Variants in KIAA0825 observed in about 807,000 individuals in gnomAD.
KIAA0825 encodes KIAA0825.
Under a neutral mutation model 147.6 loss-of-function variants are expected in KIAA0825, and 119 were observed. The observed-to-expected ratio is 0.81, with a 90% CI of 0.69 to 0.94. The LOEUF (loss-of-function observed/expected upper bound fraction) is 0.94, where lower values mean the gene tolerates loss of function less well. Among genes scored for constraint, KIAA0825 ranks in the 40% least tolerant of loss-of-function variants. The pLI is 0.00. For synonymous variants in KIAA0825, 470 were observed against 518.1 expected, an observed-to-expected ratio of 0.91 and a Z score of 1.26; for missense variants, 1,381 against 1,472.7, an observed-to-expected ratio of 0.94 and a Z score of 1.02.
At chr5:94,381,403 G>T (rs1301537976) in intron 20 of KIAA0825, among the ~76,000 whole-genome samples, 1 of 152,186 alleles carries the variant, frequency 6.6e-6, no homozygotes, top group Non-Finnish European at 1.5e-5. Flanking sequence ...GTTCCAAAAA[G>T]CAAAACTTGC....
chr5:94,281,615 A>T (rs1401772642), intron 20 of KIAA0825, among the ~76,000 whole-genome samples: 1 of 152,092 alleles, frequency 6.6e-6, no homozygotes, highest in East Asian at 1.9e-4. Context: ...GATAATTGTT[A>T]GGGCTGCCTC....
At chr5:94,264,082 C>T (rs1776627716) in intron 20 of KIAA0825, among the ~76,000 whole-genome samples, 1 of 152,140 alleles carries the variant, frequency 6.6e-6, no homozygotes, top group South Asian at 2.1e-4. Flanking sequence ...CCAGAATATG[C>T]CTCTCCCACA....
chr5:94,602,072 G>A (rs1786569857), intron 1 of KIAA0825, among the ~76,000 whole-genome samples: 1 of 152,116 alleles, frequency 6.6e-6, no homozygotes, highest in African/African-American at 2.4e-5. Context: ...TGAGAAGGCT[G>A]GGCGAGGTGG....
intron 1 of KIAA0825, among the ~76,000 whole-genome samples, chr5:94,609,160 A>C (rs543356095): frequency 6.2e-4 from 94 of 152,188 alleles, no homozygotes; most frequent in Non-Finnish European, 9.3e-4. Context: ...CATTTAAATA[A>C]CTCTCTTCTT....
chr5:94,264,928 G>A (rs1232755707), intron 20 of KIAA0825, among the ~76,000 whole-genome samples: 2 of 151,692 alleles, frequency 1.3e-5, no homozygotes, highest in East Asian at 3.9e-4. Context: ...GATTACAGGC[G>A]CGTACCACCA....
At chr5:94,240,965 C>G (rs146831758) in intron 20 of KIAA0825, among the ~76,000 whole-genome samples, 102 of 152,158 alleles carry the variant, frequency 6.7e-4, no homozygotes, top group African/African-American at 1.9e-3. Context: ...AAAAGGTTGC[C>G]TGGTAAATAA....
chr5:94,175,794 T>C (rs1769039269), intron 20 of KIAA0825, among the ~76,000 whole-genome samples: 1 of 152,158 alleles, frequency 6.6e-6, no homozygotes, highest in Non-Finnish European at 1.5e-5. Context: ...AAAATAACAG[T>C]TGACATTGAG....
intron 20 of KIAA0825, among the ~76,000 whole-genome samples, chr5:94,271,546 G>A (rs1032281694): frequency 2.6e-5 from 4 of 152,078 alleles, no homozygotes; most frequent in African/African-American, 7.2e-5. Context: ...TCAAGAGTTC[G>A]AGACCTGCCT....
intron 20 of KIAA0825, among the ~76,000 whole-genome samples, chr5:94,381,799 T>A (rs1180407352): frequency 1.2e-4 from 18 of 152,298 alleles, no homozygotes; most frequent in Admixed American, 1.2e-3. Context: ...AATCCTGCTT[T>A]CCAGTCTCCA....
chr5:94,488,772 C>G (rs748879356), intron 5 of KIAA0825, among the ~76,000 whole-genome samples: 5 of 152,122 alleles, frequency 3.3e-5, no homozygotes, highest in African/African-American at 7.2e-5. Context: ...AAGGGTTCTA[C>G]GACCAAATAA....
intron 2 of KIAA0825, among the ~76,000 whole-genome samples, chr5:94,571,545 G>C (rs897752835): frequency 6.6e-6 from 1 of 152,204 alleles, no homozygotes; most frequent in African/African-American, 2.4e-5. Flanking sequence ...TCTAAATGAA[G>C]TCATGCCTGA....
intron 20 of KIAA0825, among the ~76,000 whole-genome samples, chr5:94,168,808 A>G (rs1013036217): frequency 6.6e-6 from 1 of 152,196 alleles, no homozygotes; most frequent in African/African-American, 2.4e-5. Flanking sequence ...TTAATGAATC[A>G]AAAGAAAAGG....
At chr5:94,247,071 T>C (rs1775666516) in intron 20 of KIAA0825, among the ~76,000 whole-genome samples, 1 of 152,068 alleles carries the variant, frequency 6.6e-6, no homozygotes. Flanking sequence ...AGGTAGAAAA[T>C]GGTGGCAAAG....
chr5:94,180,548 A>G (rs980934470), intron 20 of KIAA0825, among the ~76,000 whole-genome samples: 4 of 152,104 alleles, frequency 2.6e-5, no homozygotes, highest in African/African-American at 9.7e-5. Flanking sequence ...GTTACATAAG[A>G]TGTTAACATA....
rs910646781 is a variant in KIAA0825 at position 94,439,952 on chromosome 5, G to A, written c.2497+30C>T. 5.9e-6 allele frequency: 9 copies of A among 1,525,412 alleles called. No individual in the cohort carries two copies. The East Asian group carries it at 7.5e-5, about 13-fold the overall frequency. 94.5% of individuals were successfully genotyped at this position (1,525,412 alleles called of 1,614,324 possible). A position where few individuals can be genotyped will look rare whatever the true frequency, so the allele number is the denominator to read the frequency against. On this transcript the variant is annotated intron_variant, in intron 14 of 20. Transcript: ENST00000682413. ...AACTCGAGCAATGACTAGGTTTTTC[G>A]AGGACATTCTTATAACTACACATAC... is the stretch of plus-strand genomic sequence containing the variant.
chr5:94,335,681 T>C (rs1781723617), intron 20 of KIAA0825, among the ~76,000 whole-genome samples: 1 of 152,094 alleles, frequency 6.6e-6, no homozygotes, highest in South Asian at 2.1e-4. Context: ...TAATAATTGA[T>C]TATATCAAGC....
At chr5:94,448,942 A>T (rs1035554856) in intron 13 of KIAA0825, among the ~76,000 whole-genome samples, 1 of 152,192 alleles carries the variant, frequency 6.6e-6, no homozygotes, top group African/African-American at 2.4e-5. Context: ...CTCTGAGCAC[A>T]CTGTATTATA....
intron 14 of KIAA0825, among the ~76,000 whole-genome samples, chr5:94,439,520 G>T (rs557793111): frequency 1.3e-4 from 20 of 151,762 alleles, no homozygotes; most frequent in African/African-American, 4.6e-4. Flanking sequence ...AACGGATATA[G>T]CTGTAGGCCA....
intron 20 of KIAA0825, among the ~76,000 whole-genome samples, chr5:94,191,271 G>T (rs1414948307): frequency 6.6e-6 from 1 of 152,114 alleles, no homozygotes. Flanking sequence ...AAATTTAGCT[G>T]TAGTATTTGG....
Sources: gnomAD v4.1 joint callset for allele counts (sites outside exome capture counted in the v4.1 genomes callset) on GRCh38, gnomAD v4.1.1 for gene constraint, MANE v1.5 for transcripts, NCBI Gene and HGNC (gene_info 2026-07-23, HGNC 2026-07-21) for gene names.